ZNF782: variants seen among roughly 807,000 people sequenced by gnomAD.
ZNF782 encodes zinc finger protein 782.
In ZNF782, 12 loss-of-function variants were observed where a neutral mutation model predicts 13.0. The observed-to-expected ratio is 0.92, with a 90% CI of 0.59 to 1.50. The LOEUF (loss-of-function observed/expected upper bound fraction) is 1.50. Among genes scored for constraint, ZNF782 ranks in the 40% most tolerant of loss-of-function variants. ZNF782 has a pLI of 0.00. For missense variants in ZNF782, 770 were observed against 822.9 expected, an observed-to-expected ratio of 0.94 and a Z score of 0.79; for synonymous variants, 284 against 283.0, an observed-to-expected ratio of 1.00 and a Z score of -0.04.
chr9:96,925,169 C>T, the ZNF782 span, among the ~76,000 whole-genome samples: 1 of 152,150 alleles, frequency 6.6e-6, no homozygotes, highest in Non-Finnish European at 1.5e-5. Flanking sequence ...CGGCCGGCTG[C>T]GCGCTGGAAC....
chr9:96,883,659 G>A, the ZNF782 span, among the ~76,000 whole-genome samples: 2 of 152,134 alleles, frequency 1.3e-5, no homozygotes, highest in Non-Finnish European at 2.9e-5. Flanking sequence ...AGAAAATTCA[G>A]AAACCTTCAC....
intron 3 of ZNF782, among the ~76,000 whole-genome samples, chr9:96,846,105 T>G (rs1276184538): frequency 6.6e-6 from 1 of 152,170 alleles, no homozygotes; most frequent in Non-Finnish European, 1.5e-5. Flanking sequence ...CAAAACTAAG[T>G]TTCATCAATG....
chr9:96,847,756 G>A (rs746163258), intron 3 of ZNF782, among the ~76,000 whole-genome samples: 4 of 152,102 alleles, frequency 2.6e-5, no homozygotes, highest in Non-Finnish European at 5.9e-5. Flanking sequence ...AAGAAGAACT[G>A]GTCCCAATCC....
rs372481587 is a variant in ZNF782 at position 96,844,949 on chromosome 9, A to G, written c.83T>C (p.Val28Ala). The G allele has an allele frequency of 3.7e-6, 6 of 1,614,002 alleles. No homozygotes were observed. The highest frequency in any genetic ancestry group is 4.2e-6 in the Non-Finnish European group (5 of 1,179,938). Residue 28 changes from valine to alanine, a missense_variant, in exon 4 of 6, where the codon GTT becomes GCT. Val to Ala is a moderately conservative substitution (Grantham distance 64). Coordinates refer to ENST00000481138, the MANE Select transcript of ZNF782 (RefSeq NM_001001662.3). Reference sequence around the variant, plus strand: ...CACATCTCTGTACAGGGTCCTCTCAACAGGGCCCATGTGCTGCCACTCCTC... The same window carrying G: ...CACATCTCTGTACAGGGTCCTCTCAGCAGGGCCCATGTGCTGCCACTCCTC... The part of the protein sequence containing the change: ...SQEEWQHMGP[V>A]ERTLYRDVML...
chr9:96,867,941 CTG>C (rs1467321339), intron 1 of ZNF782, among the ~76,000 whole-genome samples: 2 of 152,170 alleles, frequency 1.3e-5, no homozygotes, highest in Non-Finnish European at 2.9e-5. Context: ...TAGTAGCTCA[CTG>C]TGATATTTTT....
rs139436021 is a variant in ZNF782, at chr9:96,838,717, C to CTT, written c.142+6171_142+6172dup. On this transcript the variant is annotated intron_variant, in intron 4 of 5. Transcript: ENST00000481138. The stretch of plus-strand genomic sequence containing the variant: ...TGTTAGCCTGATGTATTTTTCTTTT[C>CTT]TTTTTTTTTTTTTTTGAGACAGAGT... Among the ~76,000 whole-genome samples, 962 of 136,166 alleles carry CTT rather than the reference C, an allele frequency of 7.1e-3. 16 individuals carry two copies. The highest frequency in any genetic ancestry group is 0.024 in the African/African-American group (887 of 37,010). 89.3% of individuals were successfully genotyped at this position (136,166 alleles called of 152,430 possible). A position where few individuals can be genotyped will look rare whatever the true frequency, so the allele number is the denominator to read the frequency against.
chr9:96,863,887 A>G (rs1361948779), intron 1 of ZNF782, among the ~76,000 whole-genome samples: 1 of 152,092 alleles, frequency 6.6e-6, no homozygotes, highest in East Asian at 1.9e-4. Context: ...GTTGAAGGAT[A>G]AAAGATTACA....
chr9:96,828,180 G>A (rs1005529681), intron 4 of ZNF782, among the ~76,000 whole-genome samples: 2 of 152,108 alleles, frequency 1.3e-5, no homozygotes, highest in African/African-American at 4.8e-5. Context: ...CATACACAAA[G>A]GCAGGAAGTT....
At chr9:96,841,841 T>G (rs1851199151) in intron 4 of ZNF782, among the ~76,000 whole-genome samples, 1 of 151,914 alleles carries the variant, frequency 6.6e-6, no homozygotes, top group South Asian at 2.1e-4. Flanking sequence ...TACACAGTAC[T>G]AGAAGTCCTA....
chr9:96,885,159 AAC>A, the ZNF782 span, among the ~76,000 whole-genome samples: 6 of 152,200 alleles, frequency 3.9e-5, no homozygotes, highest in Non-Finnish European at 1.5e-5. Context: ...AGAAAAAAAT[AAC>A]AGATACTAAC....
chr9:96,856,160 CAGATATAT>C (rs1301561199), upstream of ZNF782, among the ~76,000 whole-genome samples: 1 of 151,938 alleles, frequency 6.6e-6, no homozygotes, highest in African/African-American at 2.4e-5. Context: ...AGTCCTTTGT[CAGATATAT>C]AGATTGTGAA....
chr9:96,822,353 G>A (rs1052690735), intron 5 of ZNF782, among the ~76,000 whole-genome samples: 1 of 152,148 alleles, frequency 6.6e-6, no homozygotes, highest in Non-Finnish European at 1.5e-5. Context: ...CTTTTTAGTG[G>A]GTTATAATCC....
the ZNF782 span, among the ~76,000 whole-genome samples, chr9:96,884,759 A>G: frequency 6.6e-6 from 1 of 152,312 alleles, no homozygotes; most frequent in African/African-American, 2.4e-5. Flanking sequence ...GATGGTTTGG[A>G]GGAGTCTATT....
the ZNF782 span, chr9:96,891,285 A>G: frequency 1.3e-5 from 2 of 152,196 alleles, no homozygotes; most frequent in South Asian, 4.1e-4. Flanking sequence ...TATTATGTAT[A>G]TTTTACCACA....
Position 96,819,088 on chromosome 9 carries a change from G to A in ZNF782, c.935C>T (p.Pro312Leu). Reference protein sequence around the residue: ...EHHRVHIGVKPFEYGKSFNRN... With the variant: ...EHHRVHIGVKLFEYGKSFNRN... ...GTTGAAACTTTTTCCATATTCAAAGGGTTTCACCCCTATATGAACTCTATG... is the reference window on the plus strand; with the variant it reads ...GTTGAAACTTTTTCCATATTCAAAGAGTTTCACCCCTATATGAACTCTATG... Residue 312 changes from proline to leucine, a missense_variant, in exon 6 of 6, where the codon CCC (proline) becomes CTC (leucine). Transcript: ENST00000481138. 1 of 1,614,020 alleles carries A rather than the reference G, an allele frequency of 6.2e-7. No homozygotes were observed. Among genetic ancestry groups the A allele is most frequent in the African/African-American group, 1.3e-5 (1 of 75,010 alleles).
chr9:96,875,637 T>G (rs1184338856), upstream of ZNF782: 20 of 455,206 alleles, frequency 4.4e-5, 1 homozygote, highest in East Asian at 1.4e-3. Context: ...CACCTGTTCC[T>G]AAAGGGGGCG....
At chr9:96,868,205 T>G (rs1394687593) in intron 1 of ZNF782, among the ~76,000 whole-genome samples, 1 of 152,254 alleles carries the variant, frequency 6.6e-6, no homozygotes, top group Non-Finnish European at 1.5e-5. Flanking sequence ...CTTTCCAATT[T>G]AGGAATACTG....
chr9:96,919,097 G>A, the ZNF782 span: 61 of 192,414 alleles, frequency 3.2e-4, no homozygotes, highest in South Asian at 4.8e-3. Flanking sequence ...CATGCAAGAC[G>A]GGGGAAAGAA....
At chr9:96,890,697 C>A in the ZNF782 span, 1 of 152,212 alleles carries the variant, frequency 6.6e-6, no homozygotes, top group Non-Finnish European at 1.5e-5. Flanking sequence ...GCCTTAGCCA[C>A]CTTTTATCCA....
Sources: gnomAD v4.1 joint callset for allele counts (sites outside exome capture counted in the v4.1 genomes callset) on GRCh38, gnomAD v4.1.1 for gene constraint, MANE v1.5 for transcripts, NCBI Gene and HGNC (gene_info 2026-07-23, HGNC 2026-07-21) for gene names.